IGFN1: variants seen among roughly 807,000 people sequenced by gnomAD.
IGFN1 encodes immunoglobulin-like and fibronectin type III domain-containing protein 1.
A neutral mutation model predicts 289.5 loss-of-function variants in IGFN1; 253 were observed. The ratio of observed to expected loss-of-function variants is 0.87; its 90% CI spans 0.79 to 0.97. IGFN1 has a LOEUF of 0.97. Among genes scored for constraint, IGFN1 ranks in the 50% least tolerant of loss-of-function variants. The pLI is 0.00. For missense variants in IGFN1, 4,470 were observed against 4,686.1 expected (o/e 0.95, Z 1.35); for synonymous variants, 1,706 against 1,788.5 (o/e 0.95, Z 1.16).
intron 17 of IGFN1, 105 bp downstream of exon 17, chr1:201,217,565 G>C: frequency 8.1e-7 from 1 of 1,228,044 alleles, no homozygotes; most frequent in South Asian, 1.5e-5. Context: ...TCTCGTCTAG[G>C]GTGGTTTGGC....
Position 201,227,167 on chromosome 1 carries a change from C to G in IGFN1, c.11072C>G (p.Thr3691Arg), listed in dbSNP as rs765114840. 6.2e-7 allele frequency: 1 copy of G among 1,610,694 alleles called. No individual in the cohort carries two copies. Among genetic ancestry groups the G allele is most frequent in the Admixed American group, 1.7e-5 (1 of 59,692 alleles). ...GAGTACAAGGCTGTGGCTGAGAACA[C>G]GCTGGGCCAGGCAGTCAGCACTGCC... ...SGEYKAVAEN[T>R]LGQAVSTATL... is the part of the protein sequence containing the mutation. The change falls in exon 23 of 24, where the codon ACG becomes AGG. Residue 3691 changes from threonine (T) to arginine (R), a missense_variant. This residue lies in a region of IGFN1 where 2,218 missense variants were observed against 2,114.1 expected (regional missense o/e 1.05). Coordinates refer to ENST00000335211, the MANE Select transcript of IGFN1 (RefSeq NM_001164586.2).
Position 201,228,768 on chromosome 1 carries a change from C to A in IGFN1, c.*369C>A, listed in dbSNP as rs529591707. 5.5e-5 allele frequency: 15 copies of A among 273,478 alleles called. No individual in the cohort carries two copies. In the South Asian group the frequency reaches 7.4e-4, roughly 14 times the overall value. 16.9% of individuals were successfully genotyped at this position (273,478 alleles called of 1,614,324 possible). A position where few individuals can be genotyped will look rare whatever the true frequency, so the allele number is the denominator to read the frequency against. On this transcript the variant is annotated 3_prime_UTR_variant, in exon 24 of 24. Coordinates refer to ENST00000335211, the MANE Select transcript of IGFN1 (RefSeq NM_001164586.2). ...CCGTTTGGAGGGAGGGTGGGCACAG[C>A]TGGGCCTGCTGTGACCACTGGGAGG...
intron 3 of IGFN1, 78 bp downstream of exon 3, chr1:201,194,351 A>C (rs2102315546): frequency 6.7e-7 from 1 of 1,500,272 alleles, no homozygotes; most frequent in Non-Finnish European, 9.0e-7. Flanking sequence ...CTGGGGCACC[A>C]ACCTTCCTGG....
intron 4 of IGFN1, among the ~76,000 whole-genome samples, chr1:201,196,447 C>A (rs565933158): frequency 9.2e-5 from 14 of 152,268 alleles, no homozygotes; most frequent in Non-Finnish European, 1.3e-4. Context: ...CAGGTTCAAG[C>A]GATTCTCCTG....
At chr1:201,193,337 C>G (rs1666741866) in intron 2 of IGFN1, 37 bp downstream of exon 2, 1 of 1,506,844 alleles carries the variant, frequency 6.6e-7, no homozygotes. Context: ...CCAGCCCTCC[C>G]TGGCGATCCT....
Position 201,214,320 on chromosome 1 carries a change from CCTT to C in IGFN1, c.8853+22_8853+24del. On this transcript the variant is annotated intron_variant, in intron 13 of 23. Transcript: ENST00000335211. ...CGTCAAGGTACTGCCTCCCCTCACA[CCTT>C]CTCTTTACCAGTGGGAGGGACAGAG... 1 of 1,593,554 alleles carries C rather than the reference CCTT, an allele frequency of 6.3e-7. No homozygotes were observed. Among genetic ancestry groups the C allele is most frequent in the Non-Finnish European group, 8.6e-7 (1 of 1,164,980 alleles).
Position 201,194,042 on chromosome 1 carries a change from G to A in IGFN1, c.8-112G>A, listed in dbSNP as rs185220585. 2.8e-4 allele frequency: 354 copies of A among 1,255,208 alleles called. 5 individuals carry two copies. In the Middle Eastern group the frequency reaches 5.2e-3, roughly 19 times the overall value. 77.8% of individuals were successfully genotyped at this position (1,255,208 alleles called of 1,614,324 possible). ...ATAATCCTGACCCAAAAGTAGGAGCGAGAAGGGGCTTCTTGCTCCTGGGGT... is the reference window on the plus strand; with the variant it reads ...ATAATCCTGACCCAAAAGTAGGAGCAAGAAGGGGCTTCTTGCTCCTGGGGT... On this transcript the variant is annotated intron_variant, in intron 2 of 23. Coordinates refer to ENST00000335211, the MANE Select transcript of IGFN1 (RefSeq NM_001164586.2).
intron 20 of IGFN1, 23 bp downstream of exon 20, chr1:201,222,850 G>A: frequency 1.9e-6 from 3 of 1,575,812 alleles, no homozygotes; most frequent in Non-Finnish European, 2.6e-6. Context: ...GCAGGGGTGT[G>A]GGGAGGGAAG....
Position 201,208,226 on chromosome 1 carries a change from C to A in IGFN1, c.3333C>A (p.Ser1111Arg). Residue 1111 changes from serine (S) to arginine (R), a missense_variant, in exon 12 of 24, where the codon AGC becomes AGA. Around this residue, in one of 8 missense-constraint regions of IGFN1, gnomAD observed 2,011 missense variants for 1,953.4 expected, o/e 1.03. Coordinates refer to ENST00000335211, the MANE Select transcript of IGFN1 (RefSeq NM_001164586.2). ...GMGCVEAEPESSGRIRPWGQT... is the reference protein window; with the variant it reads ...GMGCVEAEPERSGRIRPWGQT... ...GATGTGTGGAAGCAGAACCAGAGAGCTCTGGAAGAATAAGGCCTTGGGGTC... is the reference window on the plus strand; with the variant it reads ...GATGTGTGGAAGCAGAACCAGAGAGATCTGGAAGAATAAGGCCTTGGGGTC... The A allele has an allele frequency of 2.0e-6, 3 of 1,536,672 alleles. No homozygotes were observed. Among genetic ancestry groups the A allele is most frequent in the Non-Finnish European group, 2.6e-6 (3 of 1,146,810 alleles).
chr1:201,197,944 C>T (rs1666987365), intron 5 of IGFN1, among the ~76,000 whole-genome samples: 1 of 152,144 alleles, frequency 6.6e-6, no homozygotes, highest in Non-Finnish European at 1.5e-5. Context: ...CGAGTGGCGT[C>T]CAGGGCTCAT....
At chr1:201,191,606 C>T (rs1277888896) in intron 1 of IGFN1, among the ~76,000 whole-genome samples, 2 of 152,172 alleles carry the variant, frequency 1.3e-5, no homozygotes, top group Admixed American at 6.5e-5. Flanking sequence ...GACTACATCC[C>T]TCTAGTCTCC....
rs1667855724 is a variant in IGFN1, at chr1:201,212,292, C to T, written c.7399C>T (p.Leu2467Phe). Residue 2467 changes from leucine (L) to phenylalanine (F), a missense_variant, in exon 12 of 24, where the codon CTT (leucine) becomes TTT (phenylalanine). Physicochemically the swap from Leu to Phe is conservative, Grantham distance 22. This residue lies in a region of IGFN1 where 2,218 missense variants were observed against 2,114.1 expected (regional missense o/e 1.05). Coordinates refer to ENST00000335211, the MANE Select transcript of IGFN1 (RefSeq NM_001164586.2). Reference protein sequence around the residue: ...LSDERGSTKDLGGYGTSGIPE... With the variant: ...LSDERGSTKDFGGYGTSGIPE... ...AGATGAGCGAGGCTCCACCAAAGATCTTGGGGGCTATGGAACTTCAGGGAT... is the reference window on the plus strand; with the variant it reads ...AGATGAGCGAGGCTCCACCAAAGATTTTGGGGGCTATGGAACTTCAGGGAT... 6.5e-7 allele frequency: 1 copy of T among 1,536,286 alleles called. No homozygotes were observed. The highest frequency in any genetic ancestry group is 2.0e-5 in the Admixed American group (1 of 50,942).
chr1:201,211,105 G>T lies in IGFN1; in HGVS notation c.6212G>T (p.Arg2071Met). 6.6e-7 allele frequency: 1 copy of T among 1,508,328 alleles called. No individual in the cohort carries two copies. The highest frequency in any genetic ancestry group is 8.9e-7 in the Non-Finnish European group (1 of 1,129,352). The allele number at this position is 1,508,328 out of a possible 1,614,324, so 93.4% of individuals were successfully genotyped here. A position where few individuals can be genotyped will look rare whatever the true frequency, so the allele number is the denominator to read the frequency against. Residue 2071 changes from arginine to methionine, a missense_variant, in exon 12 of 24, where the codon AGG becomes ATG. Physicochemically the swap from Arg to Met is moderately conservative, Grantham distance 91. Around this residue, in one of 8 missense-constraint regions of IGFN1, gnomAD observed 2,218 missense variants for 2,114.1 expected, o/e 1.05. Coordinates refer to ENST00000335211, the MANE Select transcript of IGFN1 (RefSeq NM_001164586.2). ...EMGSVNEAGY[R>M]KDLGAPKGMG... ...GGGTCAGTGAATGAGGCAGGTTATA[G>T]GAAGGATTTAGGGGCTCCTAAGGGA...
At position 201,206,773 on chromosome 1, in the gene IGFN1, T is replaced by TA; in HGVS notation, c.1881dup (p.Glu628ArgfsTer6). On this transcript the variant is annotated frameshift_variant, in exon 12 of 24. Coordinates refer to ENST00000335211, the MANE Select transcript of IGFN1 (RefSeq NM_001164586.2). LOFTEE classifies it high-confidence loss of function. ...GGGTCCTGGCCAAGAGGAAAGCAGATAGAGATTTCACAGGATGACAGCCTG... is the reference window on the plus strand; with the variant it reads ...GGGTCCTGGCCAAGAGGAAAGCAGATAAGAGATTTCACAGGATGACAGCCTG... 1 of 1,536,530 alleles carries TA rather than the reference T, an allele frequency of 6.5e-7. No homozygotes were observed. The highest frequency in any genetic ancestry group is 8.7e-7 in the Non-Finnish European group (1 of 1,146,854).
rs1035622524 is a variant in IGFN1 at position 201,207,974 on chromosome 1, C to A, written c.3081C>A (p.Gly1027=). 5.9e-6 allele frequency: 9 copies of A among 1,536,748 alleles called. No homozygotes were observed. In the African/African-American group the frequency reaches 1.1e-4, roughly 19 times the overall value. Residue 1027 remains glycine, a synonymous_variant, in exon 12 of 24, where the codon GGC becomes GGA. Coordinates refer to ENST00000335211, the MANE Select transcript of IGFN1 (RefSeq NM_001164586.2). ...GGVWSGNEDS[G]PAGGGSGRVA... Reference sequence around the variant, plus strand: ...TGTGGTCTGGAAATGAAGATTCTGGCCCTGCAGGAGGAGGGTCTGGGAGAG... The same window carrying A: ...TGTGGTCTGGAAATGAAGATTCTGGACCTGCAGGAGGAGGGTCTGGGAGAG...
In IGFN1 at chr1:201,206,106, T is replaced by C; in HGVS notation, c.1213T>C (p.Ser405Pro). 6.4e-7 allele frequency: 1 copy of C among 1,550,548 alleles called. No individual in the cohort carries two copies. Among genetic ancestry groups the C allele is most frequent in the East Asian group, 2.4e-5 (1 of 40,922 alleles). Residue 405 changes from serine to proline, a missense_variant, in exon 12 of 24, where the codon TCC becomes CCC. Physicochemically the swap from Ser to Pro is moderately conservative, Grantham distance 74. This residue lies in a region of IGFN1 where 2,011 missense variants were observed against 1,953.4 expected (regional missense o/e 1.03). Transcript: ENST00000335211. ...VEAGKDKDLQ[S>P]TSADHKLQRQ... ...AGCTGGGAAGGATAAAGACCTTCAG[T>C]CCACAAGTGCTGACCACAAACTGCA... is the stretch of plus-strand genomic sequence containing the variant.
chr1:201,193,002 T>C (rs1013565779), intron 1 of IGFN1, among the ~76,000 whole-genome samples: 4 of 152,158 alleles, frequency 2.6e-5, no homozygotes, highest in African/African-American at 9.7e-5. Flanking sequence ...TATGGTTCCC[T>C]TTACCTGGGA....
intron 15 of IGFN1, 174 bp downstream of exon 15, chr1:201,216,012 G>A (rs974360960): frequency 4.2e-5 from 32 of 762,548 alleles, no homozygotes; most frequent in Non-Finnish European, 6.1e-5. Context: ...GGAAGAAGCA[G>A]TTGAGATGAA....
chr1:201,210,014 G>C lies in IGFN1; in HGVS notation c.5121G>C (p.Glu1707Asp). The change falls in exon 12 of 24, where the codon GAG becomes GAC. Residue 1707 changes from glutamate (E) to aspartate (D), a missense_variant. By Grantham distance (45) the Glu-to-Asp change is conservative. This residue lies in a region of IGFN1 where 49 missense variants were observed against 62.6 expected (regional missense o/e 0.78). Transcript: ENST00000335211. ...CTGTAGAAATGGGGTCAGTGAATGA[G>C]GCAGGTTATAGGAAGGATTTGGGGG... is the stretch of plus-strand genomic sequence containing the variant. Reference protein sequence around the residue: ...GSSVEMGSVNEAGYRKDLGAP... With the variant: ...GSSVEMGSVNDAGYRKDLGAP... 1 of 1,470,504 alleles carries C rather than the reference G, an allele frequency of 6.8e-7. No individual in the cohort carries two copies. Among genetic ancestry groups the C allele is most frequent in the Non-Finnish European group, 9.0e-7 (1 of 1,116,520 alleles). The allele number at this position is 1,470,504 out of a possible 1,614,324, so 91.1% of individuals were successfully genotyped here. A position where few individuals can be genotyped will look rare whatever the true frequency, so the allele number is the denominator to read the frequency against.
Sources: gnomAD v4.1 joint callset for allele counts (sites outside exome capture counted in the v4.1 genomes callset) on GRCh38, gnomAD v4.1.1 for gene constraint, gnomAD v4.1.1 regional missense constraint, MANE v1.5 for transcripts, NCBI Gene and HGNC (gene_info 2026-07-23, HGNC 2026-07-21) for gene names.